The following MYOM2 variants were observed in gnomAD, a reference collection of about 807,000 sequenced individuals.
MYOM2 encodes myomesin 2.
A neutral mutation model predicts 187.6 loss-of-function variants in MYOM2; 254 were observed. That is an observed-to-expected ratio of 1.35 (90% confidence interval 1.22 to 1.50). MYOM2 has a LOEUF of 1.50. Ranked by LOEUF, MYOM2 falls within the 40% of genes most tolerant of loss-of-function variation. The probability of loss-of-function intolerance (pLI) is 0.00; values close to 1 mark genes in which losing one functional copy is unlikely to be tolerated. For missense variants in MYOM2, 2,796 were observed against 1,924.0 expected (o/e 1.45, Z -8.48); for synonymous variants, 981 against 753.8 (o/e 1.30, Z -4.94).
At chr8:2,076,514 C>T (rs1367225334) in intron 11 of MYOM2, 2 of 548,632 alleles carry the variant, frequency 3.6e-6, no homozygotes, top group Admixed American at 3.5e-5. Context: ...AGTGGAGGCT[C>T]GTTTGCCTGT....
intron 13 of MYOM2, among the ~76,000 whole-genome samples, chr8:2,084,828 G>T (rs1819752862): frequency 1.3e-5 from 2 of 152,178 alleles, no homozygotes; most frequent in African/African-American, 2.4e-5. Context: ...ACGGTATAAA[G>T]AAAGAACCCA....
At chr8:2,120,689 A>ATATATATATAAATATATATTTATTATAT in intron 28 of MYOM2, among the ~76,000 whole-genome samples, 1 of 42,416 alleles carries the variant, frequency 2.4e-5, no homozygotes, top group Non-Finnish European at 4.7e-5. Context: ...ATTATATATA[A>ATATATATATAAATATATATTTATTATAT]ATATATAATA....
intron 21 of MYOM2, among the ~76,000 whole-genome samples, chr8:2,104,709 G>C (rs1280990341): frequency 6.6e-6 from 1 of 152,142 alleles, no homozygotes; most frequent in Non-Finnish European, 1.5e-5. Flanking sequence ...GGCAGCTCTG[G>C]TGGCTCCGGT....
At chr8:2,121,728 A>G (rs945482470) in intron 28 of MYOM2, among the ~76,000 whole-genome samples, 2 of 58,128 alleles carry the variant, frequency 3.4e-5, no homozygotes, top group African/African-American at 5.0e-5. Context: ...AGTTTCAGAC[A>G]CAGAGAAACC....
chr8:2,141,053 G>C lies in MYOM2; in HGVS notation c.3965-88G>C, dbSNP rs531153019. The C allele has an allele frequency of 9.2e-5, 128 of 1,389,476 alleles. 1 individual carries two copies. The highest frequency in any genetic ancestry group is 4.7e-4 in the South Asian group (34 of 72,062). 86.1% of individuals were successfully genotyped at this position (1,389,476 alleles called of 1,614,324 possible). On this transcript the variant is annotated intron_variant, in intron 33 of 36. Coordinates refer to ENST00000262113, the MANE Select transcript of MYOM2 (RefSeq NM_003970.4). ...TCTTTTTTTATATATCAGTTTTCAT[G>C]AACCAGATTCACTGGTATAATATTT...
intron 6 of MYOM2, among the ~76,000 whole-genome samples, chr8:2,068,172 C>G (rs1819081290): frequency 1.3e-5 from 2 of 151,386 alleles, no homozygotes; most frequent in Admixed American, 6.6e-5. Context: ...TCTTCAATGC[C>G]TGTGCACACC....
intron 6 of MYOM2, among the ~76,000 whole-genome samples, chr8:2,065,146 A>C (rs1818974485): frequency 6.6e-6 from 1 of 152,232 alleles, no homozygotes; most frequent in South Asian, 2.1e-4. Context: ...GGTGCTCAAT[A>C]CATGTATTCT....
In MYOM2 at chr8:2,144,844, A is replaced by G; in HGVS notation, c.4261A>G (p.Lys1421Glu). The change falls in exon 37 of 37, where the codon AAG (lysine) becomes GAG (glutamate). Residue 1421 changes from lysine (K) to glutamate (E), a missense_variant. Transcript: ENST00000262113. ...EDSGKYSINI[K>E]NKYGGEKIDV... ...CTCGGGCAAGTACAGCATCAACATCAAGAATAAGTATGGCGGGGAGAAGAT... is the reference window on the plus strand; with the variant it reads ...CTCGGGCAAGTACAGCATCAACATCGAGAATAAGTATGGCGGGGAGAAGAT... The G allele has an allele frequency of 1.2e-6, 2 of 1,614,144 alleles. No individual in the cohort carries two copies. Among genetic ancestry groups the G allele is most frequent in the Non-Finnish European group, 1.7e-6 (2 of 1,180,024 alleles).
At chr8:2,112,660 G>A (rs777003052) in intron 25 of MYOM2, among the ~76,000 whole-genome samples, 2 of 152,182 alleles carry the variant, frequency 1.3e-5, no homozygotes, top group Non-Finnish European at 2.9e-5. Flanking sequence ...ACTGAACCAA[G>A]TGGCCAGTTT....
At chr8:2,125,604 C>CTTT (rs35137852) in intron 31 of MYOM2, among the ~76,000 whole-genome samples, 1,018 of 88,992 alleles carry the variant, frequency 0.011, 4 homozygotes, top group East Asian at 0.016. Flanking sequence ...ATTATTTTTC[C>CTTT]TTTTTTTTTT....
At chr8:2,102,821 G>C in intron 21 of MYOM2, 40 bp downstream of exon 21, 2 of 1,502,010 alleles carry the variant, frequency 1.3e-6, no homozygotes, top group Non-Finnish European at 9.2e-7. Flanking sequence ...GCAATGATTT[G>C]TGGGGAGAGT....
chr8:2,116,253 G>T lies in MYOM2; in HGVS notation c.3363G>T (p.Arg1121Ser). 2 of 1,612,848 alleles carry T rather than the reference G, an allele frequency of 1.2e-6. No homozygotes were observed. The highest frequency in any genetic ancestry group is 1.1e-5 in the South Asian group (1 of 90,756). The stretch of plus-strand genomic sequence containing the variant: ...TGCTGGAAGAGGCTGAGTTTCAAAG[G>T]AAAGAATTTCTCAGGAAACAAGGTG... Reference protein sequence around the residue: ...KTVLEEAEFQRKEFLRKQGPH... With the variant: ...KTVLEEAEFQSKEFLRKQGPH... Residue 1121 changes from arginine to serine, a missense_variant, in exon 27 of 37, where the codon AGG (arginine) becomes AGT (serine). Arg to Ser is a moderately radical substitution (Grantham distance 110). Transcript: ENST00000262113.
chr8:2,047,320 G>A (rs1479018787), intron 1 of MYOM2, among the ~76,000 whole-genome samples: 1 of 152,158 alleles, frequency 6.6e-6, no homozygotes, highest in African/African-American at 2.4e-5. Flanking sequence ...CACTGGGGAA[G>A]TTCTAACATA....
chr8:2,046,798 T>A (rs1306538640), intron 1 of MYOM2, among the ~76,000 whole-genome samples: 1 of 151,332 alleles, frequency 6.6e-6, no homozygotes, highest in East Asian at 1.9e-4. Context: ...TTAACACATG[T>A]CTGAGATAGT....
chr8:2,141,102 A>G lies in MYOM2; in HGVS notation c.3965-39A>G, dbSNP rs1228378301. The G allele has an allele frequency of 2.5e-6, 4 of 1,582,564 alleles. No homozygotes were observed. The South Asian group carries it at 4.6e-5, about 18-fold the overall frequency. ...TTGAGTGAATAAATAAAATCTGAACACTGAAATGGTTAGTAACGTATGAAC... is the reference window on the plus strand; with the variant it reads ...TTGAGTGAATAAATAAAATCTGAACGCTGAAATGGTTAGTAACGTATGAAC... On this transcript the variant is annotated intron_variant, in intron 33 of 36. Transcript: ENST00000262113.
At position 2,090,196 on chromosome 8, in the gene MYOM2, G is replaced by C. The variant is rs1796249489; in HGVS notation, c.1828+5G>C. 3 of 1,610,768 alleles carry C rather than the reference G, an allele frequency of 1.9e-6. No homozygotes were observed. The highest frequency in any genetic ancestry group is 3.3e-5 in the Admixed American group (2 of 59,944). On this transcript the variant is annotated splice_donor_5th_base_variant and intron_variant, in intron 15 of 36. Coordinates refer to ENST00000262113, the MANE Select transcript of MYOM2 (RefSeq NM_003970.4). ...TTCAGGCCCAGGATGTGACCGGTGA[G>C]CTGTCACACTGGGTGGCCCCAAGTC...
At position 2,075,650 on chromosome 8, in the gene MYOM2, G is replaced by T. The variant is rs1249563206; in HGVS notation, c.1121-491G>T. On this transcript the variant is annotated intron_variant, in intron 10 of 36. Coordinates refer to ENST00000262113, the MANE Select transcript of MYOM2 (RefSeq NM_003970.4). ...TGTAATTAAACCTAATTGCATTAGGGTCATCAATAGACTGAGAAACGAATG... is the reference window on the plus strand; with the variant it reads ...TGTAATTAAACCTAATTGCATTAGGTTCATCAATAGACTGAGAAACGAATG... Among the ~76,000 whole-genome samples, 13 of 152,308 alleles carry T rather than the reference G, an allele frequency of 8.5e-5. No homozygotes were observed. In the East Asian group the frequency reaches 2.3e-3, roughly 27 times the overall value.
chr8:2,109,572 C>T (rs1420494698), intron 25 of MYOM2, 41 bp downstream of exon 25: 6 of 1,575,270 alleles, frequency 3.8e-6, no homozygotes, highest in Non-Finnish European at 4.3e-6. Flanking sequence ...TGCAGGGAGT[C>T]CACTTTTGTT....
intron 32 of MYOM2, among the ~76,000 whole-genome samples, chr8:2,130,343 A>G (rs1389514163): frequency 9.0e-6 from 1 of 110,914 alleles, no homozygotes; most frequent in African/African-American, 4.9e-5. Flanking sequence ...CAGGGCGCCC[A>G]CACCCCGCCT....
Sources: gnomAD v4.1 joint callset for allele counts (sites outside exome capture counted in the v4.1 genomes callset) on GRCh38, gnomAD v4.1.1 for gene constraint, MANE v1.5 for transcripts, NCBI Gene and HGNC (gene_info 2026-07-23, HGNC 2026-07-21) for gene names.